Variants in CADPS2 observed in about 807,000 individuals in gnomAD.
The protein encoded by CADPS2 is calcium dependent secretion activator 2, also known as calcium-dependent secretion activator 2.
Under a neutral mutation model 172.5 loss-of-function variants are expected in CADPS2, and 93 were observed. The ratio of observed to expected loss-of-function variants is 0.54; its 90% confidence interval spans 0.46 to 0.64. The LOEUF (loss-of-function observed/expected upper bound fraction) is 0.64. CADPS2 is among the 30% of genes least tolerant of loss of function. The pLI is 0.00. For synonymous variants in CADPS2, 546 were observed against 555.2 expected (o/e 0.98, Z 0.23); for missense variants, 1,420 against 1,565.9 (o/e 0.91, Z 1.57).
At chr7:122,570,490 C>A (rs1400205291) in intron 7 of CADPS2, among the ~76,000 whole-genome samples, 1 of 147,688 alleles carries the variant, frequency 6.8e-6, no homozygotes, top group African/African-American at 2.6e-5. Context: ...CCTCAGGGAT[C>A]TAGAACTAGA....
intron 17 of CADPS2, among the ~76,000 whole-genome samples, chr7:122,418,466 CT>C (rs1362042294): frequency 2.0e-5 from 3 of 152,130 alleles, no homozygotes; most frequent in Non-Finnish European, 4.4e-5. Flanking sequence ...TGACTATATC[CT>C]ATGAATAACT....
chr7:122,860,512 T>C (rs749284861), intron 1 of CADPS2, among the ~76,000 whole-genome samples: 1 of 152,106 alleles, frequency 6.6e-6, no homozygotes, highest in Admixed American at 6.6e-5. Context: ...TGATTACCAG[T>C]GTGAGCCACT....
intron 17 of CADPS2, among the ~76,000 whole-genome samples, chr7:122,436,024 T>C (rs1376904613): frequency 6.6e-6 from 1 of 152,036 alleles, no homozygotes; most frequent in East Asian, 1.9e-4. Flanking sequence ...ATTCAAGATA[T>C]AGAAGTTCTA....
chr7:122,607,125 G>A (rs964361177), intron 6 of CADPS2, among the ~76,000 whole-genome samples: 3 of 152,058 alleles, frequency 2.0e-5, no homozygotes, highest in Non-Finnish European at 4.4e-5. Context: ...CAGATTAGAC[G>A]ATCAGGAAAA....
intron 1 of CADPS2, among the ~76,000 whole-genome samples, chr7:122,767,471 T>C (rs1233472863): frequency 6.6e-6 from 1 of 152,016 alleles, no homozygotes; most frequent in African/African-American, 2.4e-5. Flanking sequence ...GTGCCAACCA[T>C]AGTGTTTTTC....
At position 122,833,292 on chromosome 7, in the gene CADPS2, T is replaced by C. The variant is rs111385579; in HGVS notation, c.339+52707A>G. On this transcript the variant is annotated intron_variant, in intron 1 of 29. Coordinates refer to ENST00000449022, the MANE Select transcript of CADPS2 (RefSeq NM_017954.11). ...AAATTGACCATTTTTCACCATATTG[T>C]TATTGTAAATCAATTCAAGAAAGAA... 4.8e-3 allele frequency among the ~76,000 whole-genome samples: 724 copies of C among 152,352 alleles called. 8 individuals are homozygous for C. The highest frequency in any genetic ancestry group is 0.016 in the African/African-American group (671 of 41,578).
chr7:122,394,511 G>C (rs2044796747), intron 20 of CADPS2, among the ~76,000 whole-genome samples: 1 of 152,126 alleles, frequency 6.6e-6, no homozygotes, highest in Non-Finnish European at 1.5e-5. Context: ...AAGTGAAAAT[G>C]TGCTGATTTA....
chr7:122,855,983 G>A (rs1448492373), intron 1 of CADPS2, among the ~76,000 whole-genome samples: 5 of 152,160 alleles, frequency 3.3e-5, no homozygotes, highest in Non-Finnish European at 7.4e-5. Context: ...TTGAGGTGGG[G>A]AGGGGTGCTC....
intron 7 of CADPS2, among the ~76,000 whole-genome samples, chr7:122,579,422 G>C (rs373818219): frequency 4.1e-4 from 59 of 144,610 alleles, no homozygotes; most frequent in African/African-American, 1.5e-3. Flanking sequence ...GGGAGCATAA[G>C]CGGTTTCTCA....
At chr7:122,833,445 G>A (rs1192013090) in intron 1 of CADPS2, among the ~76,000 whole-genome samples, 2 of 152,056 alleles carry the variant, frequency 1.3e-5, no homozygotes, top group African/African-American at 4.8e-5. Flanking sequence ...TTGCCTCCCG[G>A]GTTCGAGCAA....
At chr7:122,519,282 T>G (rs2060605473) in intron 8 of CADPS2, among the ~76,000 whole-genome samples, 1 of 152,104 alleles carries the variant, frequency 6.6e-6, no homozygotes, top group Non-Finnish European at 1.5e-5. Context: ...GTGTTCTGGA[T>G]TATTTTAAAA....
At chr7:122,381,392 G>C (rs2042981098) in intron 24 of CADPS2, among the ~76,000 whole-genome samples, 1 of 152,128 alleles carries the variant, frequency 6.6e-6, no homozygotes, top group African/African-American at 2.4e-5. Context: ...TCCAAAGCAT[G>C]CAGGCATTGA....
intron 8 of CADPS2, among the ~76,000 whole-genome samples, chr7:122,553,152 C>T (rs569426304): frequency 1.3e-5 from 2 of 152,230 alleles, no homozygotes; most frequent in African/African-American, 4.8e-5. Flanking sequence ...TTATTTCTCC[C>T]AGGTTCCCAT....
At chr7:122,356,917 C>T (rs112468818) in intron 27 of CADPS2, among the ~76,000 whole-genome samples, 69 of 152,188 alleles carry the variant, frequency 4.5e-4, no homozygotes, top group African/African-American at 1.6e-3. Flanking sequence ...CCAATGAGCC[C>T]TGGTTCATTT....
At chr7:122,333,382 T>C (rs1180170997) in intron 28 of CADPS2, among the ~76,000 whole-genome samples, 1 of 152,186 alleles carries the variant, frequency 6.6e-6, no homozygotes, top group Non-Finnish European at 1.5e-5. Context: ...CATTCCAAAA[T>C]CTTCTTTTAA....
intron 14 of CADPS2, among the ~76,000 whole-genome samples, chr7:122,453,541 A>T (rs1476645537): frequency 6.6e-6 from 1 of 152,216 alleles, no homozygotes. Context: ...GAAAACTCAT[A>T]CCATAAAGTT....
intron 8 of CADPS2, among the ~76,000 whole-genome samples, chr7:122,519,256 T>C (rs1335067005): frequency 2.0e-5 from 3 of 152,082 alleles, no homozygotes; most frequent in Non-Finnish European, 4.4e-5. Context: ...TGCATCACAA[T>C]ACTCAGGTAA....
At chr7:122,418,895 T>C (rs1340301064) in intron 17 of CADPS2, among the ~76,000 whole-genome samples, 1 of 152,224 alleles carries the variant, frequency 6.6e-6, no homozygotes, top group African/African-American at 2.4e-5. Context: ...AAATTGTGCA[T>C]TGTAAAATCT....
chr7:122,366,662 CACAT>C (rs1469839962), intron 25 of CADPS2: 5 of 127,056 alleles, frequency 3.9e-5, no homozygotes, highest in South Asian at 4.8e-4. Context: ...TATACATACA[CACAT>C]ACATATATAT....
Sources: gnomAD v4.1 joint callset for allele counts (sites outside exome capture counted in the v4.1 genomes callset) on GRCh38, gnomAD v4.1.1 for gene constraint, MANE v1.5 for transcripts, NCBI Gene and HGNC (gene_info 2026-07-23, HGNC 2026-07-21) for gene names.